The following SAP30L variants were observed in gnomAD, a reference collection of about 807,000 sequenced individuals.
SAP30L encodes histone deacetylase complex subunit SAP30L.
Under a neutral mutation model 22.3 loss-of-function variants are expected in SAP30L, and 10 were observed. The observed-to-expected ratio is 0.45, with a 90% CI of 0.28 to 0.76. The LOEUF (loss-of-function observed/expected upper bound fraction) is 0.76, where lower values mean the gene tolerates loss of function less well. SAP30L is among the 30% of genes least tolerant of loss of function. The pLI, the probability that SAP30L is intolerant of heterozygous loss-of-function variation, is 0.14. For missense variants in SAP30L, 206 were observed against 237.9 expected (o/e 0.87, Z 0.88); for synonymous variants, 91 against 94.1 (o/e 0.97, Z 0.19).
chr5:154,450,541 T>C (rs1483836826), intron 1 of SAP30L, among the ~76,000 whole-genome samples: 1 of 152,172 alleles, frequency 6.6e-6, no homozygotes, highest in East Asian at 1.9e-4. Flanking sequence ...CTTCTAAAAA[T>C]GTCACATCAC....
In SAP30L at chr5:154,446,643, GC is replaced by G. The variant is rs755002520; in HGVS notation, c.45del (p.Ala16ProfsTer53). 2.0e-6 allele frequency: 3 copies of G among 1,530,200 alleles called. No homozygotes were observed. Among genetic ancestry groups the G allele is most frequent in the South Asian group, 1.2e-5 (1 of 82,516 alleles). The allele number at this position is 1,530,200 out of a possible 1,614,324, so 94.8% of individuals were successfully genotyped here. On this transcript the variant is annotated frameshift_variant, in exon 1 of 4. Coordinates refer to ENST00000297109, the MANE Select transcript of SAP30L (RefSeq NM_024632.6). LOFTEE classifies it high-confidence loss of function. ...FSTEEDSREG[P>X]PAAPAAAAPG... ...GCACGGAGGAGGACAGCCGCGAAGG[GC>G]CCCCCGCCGCCCCAGCTGCCGCCGC... is the stretch of plus-strand genomic sequence containing the variant.
rs1008163926 is a variant in SAP30L at position 154,446,356 on chromosome 5, G to T, written c.-249G>T. On this transcript the variant is annotated 5_prime_UTR_variant, in exon 1 of 4. Transcript: ENST00000297109. ...AGAAGGCTCCTCCGGGTGACCCCCG[G>T]CGGGGCCCTGCGAGCCGCGGGAGCC... 5.2e-6 allele frequency: 2 copies of T among 381,424 alleles called. No individual in the cohort carries two copies. The highest frequency in any genetic ancestry group is 4.2e-5 in the African/African-American group (2 of 47,442). The allele number at this position is 381,424 out of a possible 1,614,324, so 23.6% of individuals were successfully genotyped here. A position where few individuals can be genotyped will look rare whatever the true frequency, so the allele number is the denominator to read the frequency against.
At chr5:154,453,309 C>T in intron 2 of SAP30L, 93 bp from the exon 3 acceptor site, 1 of 840,906 alleles carries the variant, frequency 1.2e-6, no homozygotes, top group Non-Finnish European at 2.0e-6. Flanking sequence ...CCATCCTCAC[C>T]CCTACCTTAG....
At position 154,456,272 on chromosome 5, in the gene SAP30L, T is replaced by C. The variant is rs909898939; in HGVS notation, c.*244T>C. The C allele has an allele frequency of 1.2e-4, 36 of 309,704 alleles. No individual in the cohort carries two copies. Among genetic ancestry groups the C allele is most frequent in the Non-Finnish European group, 1.2e-4 (21 of 168,054 alleles). 19.2% of individuals were successfully genotyped at this position (309,704 alleles called of 1,614,324 possible). A position where few individuals can be genotyped will look rare whatever the true frequency, so the allele number is the denominator to read the frequency against. On this transcript the variant is annotated 3_prime_UTR_variant, in exon 4 of 4. Coordinates refer to ENST00000297109, the MANE Select transcript of SAP30L (RefSeq NM_024632.6). The stretch of plus-strand genomic sequence containing the variant: ...ATCATTAAAAGAATTAAAAACTATG[T>C]ATTTCAGCATTCAACAAAGCATTAA...
rs1757278128 is a variant in SAP30L at position 154,457,084 on chromosome 5, A to G, written c.*1056A>G. On this transcript the variant is annotated 3_prime_UTR_variant, in exon 4 of 4. Coordinates refer to ENST00000297109, the MANE Select transcript of SAP30L (RefSeq NM_024632.6). ...CATCAGCAAATCATGAGTTTGGGCA[A>G]CAAAGGTCAATTCCATCTGATGCTC... 6.6e-6 allele frequency: 1 copy of G among 152,238 alleles called. No individual in the cohort carries two copies. The highest frequency in any genetic ancestry group is 2.4e-5 in the African/African-American group (1 of 41,452). The allele number at this position is 152,238 out of a possible 1,614,324, so 9.4% of individuals were successfully genotyped here.
rs1011153754 is a variant in SAP30L, at chr5:154,460,232, T to G, written c.*4204T>G. The G allele has an allele frequency of 2.0e-5, 3 of 152,236 alleles. No homozygotes were observed. The highest frequency in any genetic ancestry group is 2.0e-4 in the Admixed American group (3 of 15,276). 9.4% of individuals were successfully genotyped at this position (152,236 alleles called of 1,614,324 possible). A position where few individuals can be genotyped will look rare whatever the true frequency, so the allele number is the denominator to read the frequency against. ...CAGTTGAGTTTTGCAAAATGAGTGG[T>G]AAGGGAAAACAGATCTAGCCTGTTA... On this transcript the variant is annotated 3_prime_UTR_variant, in exon 4 of 4. Coordinates refer to ENST00000297109, the MANE Select transcript of SAP30L (RefSeq NM_024632.6).
Position 154,453,384 on chromosome 5 carries a change from TTC to T in SAP30L, c.325-15_325-14del. The T allele has an allele frequency of 1.3e-6, 2 of 1,594,408 alleles. No homozygotes were observed. Among genetic ancestry groups the T allele is most frequent in the Non-Finnish European group, 1.7e-6 (2 of 1,162,384 alleles). On this transcript the variant is annotated splice_polypyrimidine_tract_variant and intron_variant, in intron 2 of 3. Coordinates refer to ENST00000297109, the MANE Select transcript of SAP30L (RefSeq NM_024632.6). ...GGTGGTCAGGTGATGGATAACATTTTTCTCCTCTTCTCCCTAGGTTGATCTGT... is the reference window on the plus strand; with the variant it reads ...GGTGGTCAGGTGATGGATAACATTTTTCCTCTTCTCCCTAGGTTGATCTGT...
At chr5:154,449,643 G>A (rs1032115763) in intron 1 of SAP30L, among the ~76,000 whole-genome samples, 1 of 152,116 alleles carries the variant, frequency 6.6e-6, no homozygotes, top group Non-Finnish European at 1.5e-5. Context: ...GTGCTTTGTT[G>A]TGCTTTCTTC....
intron 3 of SAP30L, among the ~76,000 whole-genome samples, chr5:154,454,097 C>T (rs1170683365): frequency 6.6e-6 from 1 of 152,198 alleles, no homozygotes; most frequent in South Asian, 2.1e-4. Context: ...AGATTACAGG[C>T]GTGAGCCACT....
Position 154,459,886 on chromosome 5 carries a change from G to T in SAP30L, c.*3858G>T, listed in dbSNP as rs1582049114. 6.6e-6 allele frequency: 1 copy of T among 152,180 alleles called. No individual in the cohort carries two copies. The highest frequency in any genetic ancestry group is 1.9e-4 in the East Asian group (1 of 5,196). The allele number at this position is 152,180 out of a possible 1,614,324, so 9.4% of individuals were successfully genotyped here. Reference sequence around the variant, plus strand: ...GAGAAAACAACGCTTCAGGACTTAAGGTCTAAGCGTCAGAGAAGTGCCGTA... The same window carrying T: ...GAGAAAACAACGCTTCAGGACTTAATGTCTAAGCGTCAGAGAAGTGCCGTA... On this transcript the variant is annotated 3_prime_UTR_variant, in exon 4 of 4. Transcript: ENST00000297109.
intron 2 of SAP30L, among the ~76,000 whole-genome samples, chr5:154,452,092 C>G (rs550860618): frequency 6.6e-6 from 1 of 152,016 alleles, no homozygotes; most frequent in African/African-American, 2.4e-5. Flanking sequence ...AGAGAAGAAC[C>G]GTTTATAGTG....
chr5:154,451,020 C>T, intron 1 of SAP30L, 71 bp from the exon 2 acceptor site: 1 of 1,545,766 alleles, frequency 6.5e-7, no homozygotes, highest in Non-Finnish European at 8.9e-7. Flanking sequence ...GGAAGCCCCG[C>T]AATTCGACAG....
At chr5:154,446,974 GCT>G (rs1444417334) in intron 1 of SAP30L, among the ~76,000 whole-genome samples, 169 bp downstream of exon 1, 3 of 152,244 alleles carry the variant, frequency 2.0e-5, no homozygotes, top group African/African-American at 7.2e-5. Context: ...GCGCTGACAT[GCT>G]CTGACTGTGA....
chr5:154,448,729 A>ATGCT (rs1757078300), intron 1 of SAP30L, among the ~76,000 whole-genome samples: 1 of 152,234 alleles, frequency 6.6e-6, no homozygotes, highest in African/African-American at 2.4e-5. Flanking sequence ...GTGTTGAGCT[A>ATGCT]TGCTGATCAT....
chr5:154,446,593 CG>C lies in SAP30L; in HGVS notation c.-8del. 6.8e-7 allele frequency: 1 copy of C among 1,465,084 alleles called. No homozygotes were observed. Among genetic ancestry groups the C allele is most frequent in the Non-Finnish European group, 9.0e-7 (1 of 1,112,856 alleles). 90.8% of individuals were successfully genotyped at this position (1,465,084 alleles called of 1,614,324 possible). ...GGACCCTCCCCCAGAGGGACCGGCC[CG>C]GGGCGGGGAGATGAACGGCTTCAGC... On this transcript the variant is annotated 5_prime_UTR_variant, in exon 1 of 4. Transcript: ENST00000297109.
In SAP30L at chr5:154,446,672, C is replaced by G; in HGVS notation, c.68C>G (p.Pro23Arg). 6.4e-7 allele frequency: 1 copy of G among 1,559,096 alleles called. No homozygotes were observed. The highest frequency in any genetic ancestry group is 8.6e-7 in the Non-Finnish European group (1 of 1,156,482). Reference protein sequence around the residue: ...GPPAAPAAAAPGYGQSCCLIE... With the variant: ...GPPAAPAAAARGYGQSCCLIE... ...CCCGCCGCCCCAGCTGCCGCCGCCCCGGGCTACGGCCAGAGCTGCTGCCTC... is the reference window on the plus strand; with the variant it reads ...CCCGCCGCCCCAGCTGCCGCCGCCCGGGGCTACGGCCAGAGCTGCTGCCTC... Residue 23 changes from proline (P) to arginine (R), a missense_variant, in exon 1 of 4, where the codon CCG (proline) becomes CGG (arginine). Coordinates refer to ENST00000297109, the MANE Select transcript of SAP30L (RefSeq NM_024632.6).
rs1561705756 is a variant in SAP30L, at chr5:154,459,759, G to A, written c.*3731G>A. 2 of 152,210 alleles carry A rather than the reference G, an allele frequency of 1.3e-5. No individual in the cohort carries two copies. 9.4% of individuals were successfully genotyped at this position (152,210 alleles called of 1,614,324 possible). On this transcript the variant is annotated 3_prime_UTR_variant, in exon 4 of 4. Coordinates refer to ENST00000297109, the MANE Select transcript of SAP30L (RefSeq NM_024632.6). ...CACATCATCAGGAAATTGTTCAGCTGGAGGATTTATAACTTCGTTGCTTTG... is the reference window on the plus strand; with the variant it reads ...CACATCATCAGGAAATTGTTCAGCTAGAGGATTTATAACTTCGTTGCTTTG...
chr5:154,454,910 C>T (rs943267107), intron 3 of SAP30L, among the ~76,000 whole-genome samples: 1 of 151,698 alleles, frequency 6.6e-6, no homozygotes, highest in Non-Finnish European at 1.5e-5. Context: ...ATTGGCTGTT[C>T]ATTTAACACA....
In SAP30L at chr5:154,459,976, A is replaced by G. The variant is rs1757340431; in HGVS notation, c.*3948A>G. On this transcript the variant is annotated 3_prime_UTR_variant, in exon 4 of 4. Transcript: ENST00000297109. Reference sequence around the variant, plus strand: ...ATCATCCGTTTTTAGAGATGGGGAAACTAAAACTCAAAAAGATGTGCCTGA... The same window carrying G: ...ATCATCCGTTTTTAGAGATGGGGAAGCTAAAACTCAAAAAGATGTGCCTGA... 6.6e-6 allele frequency: 1 copy of G among 152,204 alleles called. No individual in the cohort carries two copies. The highest frequency in any genetic ancestry group is 1.5e-5 in the Non-Finnish European group (1 of 68,046). 9.4% of individuals were successfully genotyped at this position (152,204 alleles called of 1,614,324 possible). A position where few individuals can be genotyped will look rare whatever the true frequency, so the allele number is the denominator to read the frequency against.
Sources: allele counts gnomAD v4.1 joint callset (sites outside exome capture counted in the v4.1 genomes callset), GRCh38; gene constraint gnomAD v4.1.1; transcripts MANE v1.5; gene names NCBI Gene and HGNC (gene_info 2026-07-23, HGNC 2026-07-21).